The following ZNF143 variants were observed in gnomAD, a reference collection of about 807,000 sequenced individuals.
ZNF143 encodes zinc finger protein 143.
Under a neutral mutation model 74.1 loss-of-function variants are expected in ZNF143, and 49 were observed. The observed-to-expected ratio is 0.66, with a 90% CI of 0.53 to 0.84. ZNF143 has a LOEUF of 0.84. Ranked by LOEUF, ZNF143 falls within the 40% of genes least tolerant of loss-of-function variation. The probability of loss-of-function intolerance (pLI) is 0.00; values close to 1 mark genes in which losing one functional copy is unlikely to be tolerated. For missense variants in ZNF143, 637 were observed against 793.4 expected (o/e 0.80, Z 2.37); for synonymous variants, 304 against 282.8 (o/e 1.07, Z -0.75).
intron 7 of ZNF143, among the ~76,000 whole-genome samples, chr11:9,482,161 A>G: frequency 6.8e-6 from 1 of 146,782 alleles, no homozygotes; most frequent in Non-Finnish European, 1.5e-5. Context: ...TAGTAGAGGC[A>G]GGGTTTCACC....
intron 14 of ZNF143, 147 bp from the exon 15 acceptor site, chr11:9,525,093 T>C: frequency 3.3e-6 from 3 of 920,560 alleles, no homozygotes; most frequent in Non-Finnish European, 3.2e-6. Flanking sequence ...CAAATAAACC[T>C]CCTTTCAATA....
At chr11:9,495,054 AAATC>A (rs1172560798) in intron 8 of ZNF143, among the ~76,000 whole-genome samples, 34 of 152,342 alleles carry the variant, frequency 2.2e-4, no homozygotes, top group African/African-American at 7.7e-4. Flanking sequence ...GTCAAGTATG[AAATC>A]CATTTAATTA....
intron 1 of ZNF143, among the ~76,000 whole-genome samples, chr11:9,468,287 G>A (rs888450398): frequency 6.6e-6 from 1 of 152,114 alleles, no homozygotes; most frequent in Non-Finnish European, 1.5e-5. Context: ...CACCAAAATG[G>A]GGATACCTAA....
chr11:9,480,585 C>T (rs1847193825), intron 7 of ZNF143, among the ~76,000 whole-genome samples: 1 of 152,050 alleles, frequency 6.6e-6, no homozygotes, highest in South Asian at 2.1e-4. Flanking sequence ...ACTGAAATCA[C>T]TTGTAGAAAT....
At chr11:9,503,745 CGATT>C (rs1463423383) in intron 11 of ZNF143, among the ~76,000 whole-genome samples, 2 of 150,894 alleles carry the variant, frequency 1.3e-5, no homozygotes, top group African/African-American at 2.4e-5. Flanking sequence ...CGGGTTCAAG[CGATT>C]GATTGATTGA....
At chr11:9,525,884 A>G (rs116731845) in intron 15 of ZNF143, among the ~76,000 whole-genome samples, 3 of 152,146 alleles carry the variant, frequency 2.0e-5, no homozygotes, top group Non-Finnish European at 4.4e-5. Context: ...GCTCATCCCT[A>G]TAATCCTAGC....
chr11:9,520,011 C>T (rs1379364424), intron 14 of ZNF143, among the ~76,000 whole-genome samples: 1 of 145,642 alleles, frequency 6.9e-6, no homozygotes, highest in South Asian at 2.2e-4. Flanking sequence ...TGTAGCAAGA[C>T]ACTGTTTCCA....
rs376306338 is a variant in ZNF143 at position 9,507,766 on chromosome 11, A to G, written c.1148-853A>G. On this transcript the variant is annotated intron_variant, in intron 11 of 15. Coordinates refer to ENST00000396602, the MANE Select transcript of ZNF143 (RefSeq NM_003442.6). The stretch of plus-strand genomic sequence containing the variant: ...AGTAATTATTATTAATTTTGTTTAC[A>G]TATTTTTTAAACTGGGACCCATCTT... 7.7e-4 allele frequency among the ~76,000 whole-genome samples: 118 copies of G among 152,350 alleles called. 4 individuals are homozygous for G. The South Asian group carries it at 0.024, about 31-fold the overall frequency.
chr11:9,502,736 C>T lies in ZNF143; in HGVS notation c.1147+1466C>T, dbSNP rs140157455. Among the ~76,000 whole-genome samples, 11 of 152,090 alleles carry T rather than the reference C, an allele frequency of 7.2e-5. No homozygotes were observed. The East Asian group carries it at 2.1e-3, about 29-fold the overall frequency. ...AGAAATTCCATACTCAGAAGCAGTC[C>T]TTTCCCCACCCCGCCCCCCAGGTGT... is the stretch of plus-strand genomic sequence containing the variant. On this transcript the variant is annotated intron_variant, in intron 11 of 15. Transcript: ENST00000396602.
chr11:9,525,179 T>C lies in ZNF143; in HGVS notation c.1687-61T>C, dbSNP rs972409631. The C allele has an allele frequency of 1.9e-6, 3 of 1,592,756 alleles. No homozygotes were observed. The African/African-American group carries it at 4.0e-5, about 21-fold the overall frequency. ...GAAATCCATTGTATTAAGTGGACTTTAACCTATTTAAATCGCAGGTTTAAT... is the reference window on the plus strand; with the variant it reads ...GAAATCCATTGTATTAAGTGGACTTCAACCTATTTAAATCGCAGGTTTAAT... On this transcript the variant is annotated intron_variant, in intron 14 of 15. Coordinates refer to ENST00000396602, the MANE Select transcript of ZNF143 (RefSeq NM_003442.6).
intron 5 of ZNF143, among the ~76,000 whole-genome samples, chr11:9,477,904 C>A (rs1022398622): frequency 6.6e-6 from 1 of 152,204 alleles, no homozygotes; most frequent in African/African-American, 2.4e-5. Context: ...TGGCTCACTG[C>A]AACCTCTGCC....
chr11:9,474,132 C>G, intron 4 of ZNF143, 108 bp downstream of exon 4: 1 of 865,216 alleles, frequency 1.2e-6, no homozygotes, highest in Non-Finnish European at 1.9e-6. Flanking sequence ...TTCTCAAGTC[C>G]TCCTTCTGTA....
At chr11:9,464,164 C>G (rs1856049555) in intron 1 of ZNF143, among the ~76,000 whole-genome samples, 2 of 151,894 alleles carry the variant, frequency 1.3e-5, no homozygotes, top group South Asian at 4.1e-4. Flanking sequence ...GACAGGGTCT[C>G]ACTCTCACCC....
At chr11:9,499,352 C>T (rs1372742378) in intron 10 of ZNF143, among the ~76,000 whole-genome samples, 1 of 152,106 alleles carries the variant, frequency 6.6e-6, no homozygotes, top group Non-Finnish European at 1.5e-5. Flanking sequence ...CTTTAGAGGT[C>T]ATCTAGATCC....
intron 1 of ZNF143, among the ~76,000 whole-genome samples, chr11:9,461,339 A>T (rs1209271510): frequency 1.3e-5 from 2 of 152,160 alleles, no homozygotes; most frequent in African/African-American, 2.4e-5. Flanking sequence ...TCTCTGAGCG[A>T]TGCGCCCCGC....
intron 7 of ZNF143, among the ~76,000 whole-genome samples, chr11:9,484,274 G>C (rs1847367754): frequency 6.6e-6 from 1 of 150,890 alleles, no homozygotes; most frequent in African/African-American, 2.5e-5. Context: ...GCTCACTGCA[G>C]CCACTGCCTC....
At chr11:9,505,895 A>G (rs1848346698) in intron 11 of ZNF143, among the ~76,000 whole-genome samples, 1 of 151,754 alleles carries the variant, frequency 6.6e-6, no homozygotes, top group African/African-American at 2.4e-5. Context: ...AAAAAAAAAA[A>G]AAGGAAAAGA....
intron 8 of ZNF143, among the ~76,000 whole-genome samples, chr11:9,495,214 CG>C (rs1246673278): frequency 6.6e-6 from 1 of 152,066 alleles, no homozygotes; most frequent in Admixed American, 6.6e-5. Flanking sequence ...GAGGCCGAGG[CG>C]GGTGGATCAC....
chr11:9,468,576 A>G (rs1230863568), intron 1 of ZNF143, among the ~76,000 whole-genome samples: 1 of 152,224 alleles, frequency 6.6e-6, no homozygotes, highest in Non-Finnish European at 1.5e-5. Flanking sequence ...AACCCTTAGC[A>G]TCATATGGAG....
Sources: allele counts gnomAD v4.1 joint callset (sites outside exome capture counted in the v4.1 genomes callset), GRCh38; gene constraint gnomAD v4.1.1; transcripts MANE v1.5; gene names NCBI Gene and HGNC (gene_info 2026-07-23, HGNC 2026-07-21).